The following SLC26A6 variants were observed in gnomAD, a reference collection of about 807,000 sequenced individuals.
SLC26A6 encodes the protein anion exchange transporter.
Under a neutral mutation model 87.1 loss-of-function variants are expected in SLC26A6, and 67 were observed. The observed-to-expected ratio is 0.77, with a 90% confidence interval of 0.63 to 0.94. The LOEUF is 0.94. Among genes scored for constraint, SLC26A6 ranks in the 40% least tolerant of loss-of-function variants. SLC26A6 has a pLI of 0.00. For missense variants in SLC26A6, 902 were observed against 973.0 expected, an observed-to-expected ratio of 0.93 and a Z score of 0.97; for synonymous variants, 414 against 405.9, an observed-to-expected ratio of 1.02 and a Z score of -0.24.
intron 1 of SLC26A6, 30 bp downstream of exon 1, chr3:48,635,340 CG>C: frequency 6.3e-7 from 1 of 1,580,432 alleles, no homozygotes; most frequent in Non-Finnish European, 8.6e-7. Flanking sequence ...GGCGCTCGCG[CG>C]GGGCCACCGG....
chr3:48,626,787 T>A, intron 18 of SLC26A6, 89 bp downstream of exon 18: 2 of 1,607,256 alleles, frequency 1.2e-6, no homozygotes, highest in Admixed American at 1.7e-5. Context: ...CTTTGAGGGT[T>A]TGGGGAGTCA....
At position 48,626,282 on chromosome 3, in the gene SLC26A6, G is replaced by C; in HGVS notation, c.2201C>G (p.Ser734Cys). 1 of 1,614,094 alleles carries C rather than the reference G, an allele frequency of 6.2e-7. No individual in the cohort carries two copies. Among genetic ancestry groups the C allele is most frequent in the South Asian group, 1.1e-5 (1 of 91,080 alleles). ...ASITKKHLFA[S>C]VHDAVTFALQ... ...GGCAAAGGTGACAGCATCATGGACAGAGGCAAAGAGATGCTTCTTGGTGAT... is the reference window on the plus strand; with the variant it reads ...GGCAAAGGTGACAGCATCATGGACACAGGCAAAGAGATGCTTCTTGGTGAT... The change falls in exon 20 of 21, where the codon TCT becomes TGT. Residue 734 changes from serine (S) to cysteine (C), a missense_variant. By Grantham distance (112) the Ser-to-Cys change is moderately radical. This residue lies in a region of SLC26A6 where 99 missense variants were observed against 100.1 expected (regional missense o/e 0.99). Transcript: ENST00000395550.
chr3:48,633,918 C>T, intron 1 of SLC26A6: 1 of 1,299,722 alleles, frequency 7.7e-7, no homozygotes, highest in Non-Finnish European at 9.9e-7. Context: ...ATGTGGCAGC[C>T]CAGTGCTGAG....
In SLC26A6 at chr3:48,632,399, G is replaced by C. The variant is rs1336340232; in HGVS notation, c.434-3C>G. ...CACAGACATGACAGCAAAGGTCCCT[G>C]TAAGGACGGCACGGGGCAGGTCTGA... On this transcript the variant is annotated splice_region_variant and splice_polypyrimidine_tract_variant and intron_variant, in intron 4 of 20. Transcript: ENST00000395550. The C allele has an allele frequency of 6.2e-7, 1 of 1,604,238 alleles. No homozygotes were observed. Among genetic ancestry groups the C allele is most frequent in the Non-Finnish European group, 8.5e-7 (1 of 1,174,678 alleles).
At chr3:48,631,844 G>A in intron 6 of SLC26A6, 36 bp downstream of exon 6, 2 of 1,613,112 alleles carry the variant, frequency 1.2e-6, no homozygotes, top group Non-Finnish European at 1.7e-6. Context: ...AGGCCATGGG[G>A]CACACCTACC....
Position 48,628,623 on chromosome 3 carries a change from C to G in SLC26A6, c.1691G>C (p.Arg564Thr). 1.2e-6 allele frequency: 2 copies of G among 1,613,896 alleles called. No individual in the cohort carries two copies. The highest frequency in any genetic ancestry group is 1.7e-6 in the Non-Finnish European group (2 of 1,179,984). ...AEFYSDALKQ[R>T]CGVDVDFLIS... is the part of the protein sequence containing the mutation. The stretch of plus-strand genomic sequence containing the variant: ...CCCATCCTGGGGACTCCGTCTCACC[C>G]TCTGCTTCAGCGCATCACTGTAGAA... The change falls in exon 15 of 21, where the codon AGG (arginine) becomes ACG (threonine). Residue 564 changes from arginine to threonine, a missense_variant and splice_region_variant. This residue lies in a region of SLC26A6 where 800 missense variants were observed against 856.8 expected (regional missense o/e 0.93). Transcript: ENST00000395550. The surrounding 1 kb of genome is among the most constrained non-coding windows in gnomAD (Gnocchi z 4.4).
rs1456893312 is a variant in SLC26A6 at position 48,629,965 on chromosome 3, A to G, written c.1436T>C (p.Val479Ala). Residue 479 changes from valine to alanine, a missense_variant, in exon 13 of 21, where the codon GTG becomes GCG. By Grantham distance (64) the Val-to-Ala change is moderately conservative. Transcript: ENST00000395550. Reference sequence around the variant, plus strand: ...CAGCAAGATGGTGGCCGTGAAGGTCACCAGCCAGATAAGCTGAGAACAGAG... The same window carrying G: ...CAGCAAGATGGTGGCCGTGAAGGTCGCCAGCCAGATAAGCTGAGAACAGAG... Reference protein sequence around the residue: ...ANRADLLIWLVTFTATILLNL... With the variant: ...ANRADLLIWLATFTATILLNL... 5.0e-6 allele frequency: 8 copies of G among 1,613,988 alleles called. No individual in the cohort carries two copies. The highest frequency in any genetic ancestry group is 8.5e-7 in the Non-Finnish European group (1 of 1,180,032).
At chr3:48,632,157 G>A (rs962851859) in intron 5 of SLC26A6, 88 bp downstream of exon 5, 31 of 1,576,966 alleles carry the variant, frequency 2.0e-5, no homozygotes, top group South Asian at 4.7e-5. Flanking sequence ...GGAGGACGAC[G>A]ATGGTCAGAC....
rs2046684690 is a variant in SLC26A6 at position 48,628,391 on chromosome 3, C to T, written c.1800+43G>A. 6.2e-7 allele frequency: 1 copy of T among 1,609,372 alleles called. No individual in the cohort carries two copies. Among genetic ancestry groups the T allele is most frequent in the African/African-American group, 1.4e-5 (1 of 73,776 alleles). ...CCAGGAGAAAGGCTGGGGCAGGGAA[C>T]AGGGGGCAGGAGATGGGGGTCACCA... On this transcript the variant is annotated intron_variant, in intron 16 of 20. Transcript: ENST00000395550. This position sits in a 1 kb window ranked among gnomAD's most constrained non-coding sequence, Gnocchi z 4.4.
chr3:48,631,381 G>A (rs1422147825), intron 7 of SLC26A6, 75 bp from the exon 8 acceptor site: 49 of 1,428,554 alleles, frequency 3.4e-5, no homozygotes, highest in Non-Finnish European at 4.1e-5. Flanking sequence ...ACTGTGAGGT[G>A]AGGAGGGAGA....
At position 48,630,836 on chromosome 3, in the gene SLC26A6, C is replaced by A. The variant is rs572196324; in HGVS notation, c.1135-116G>T. On this transcript the variant is annotated intron_variant, in intron 9 of 20. Coordinates refer to ENST00000395550, the MANE Select transcript of SLC26A6 (RefSeq NM_022911.3). The stretch of plus-strand genomic sequence containing the variant: ...ATCCCCACCAAGTGGCCCCCAGAGA[C>A]TGGATGCTGTCCCACACGTCCTGCT... The A allele has an allele frequency of 8.0e-6, 12 of 1,500,234 alleles. No homozygotes were observed. In the African/African-American group the frequency reaches 1.6e-4, roughly 21 times the overall value. 92.9% of individuals were successfully genotyped at this position (1,500,234 alleles called of 1,614,324 possible). A position where few individuals can be genotyped will look rare whatever the true frequency, so the allele number is the denominator to read the frequency against.
At position 48,631,009 on chromosome 3, in the gene SLC26A6, C is replaced by T. The variant is rs759177982; in HGVS notation, c.1118G>A (p.Arg373Gln). The T allele has an allele frequency of 4.3e-6, 7 of 1,613,646 alleles. No individual in the cohort carries two copies. Among genetic ancestry groups the T allele is most frequent in the East Asian group, 2.2e-5 (1 of 44,900 alleles). ...GKIFALRHGY[R>Q]VDSNQELVAL... The stretch of plus-strand genomic sequence containing the variant: ...CACCCAGACCTGGTTGCTGTCCACC[C>T]GGTAGCCGTGCCTCAGGGCGAAGAT... Residue 373 changes from arginine to glutamine, a missense_variant, in exon 9 of 21, where the codon CGG becomes CAG. By Grantham distance (43) the Arg-to-Gln change is conservative. Transcript: ENST00000395550.
intron 1 of SLC26A6, 156 bp from the exon 2 acceptor site, chr3:48,633,791 T>G: frequency 6.8e-7 from 1 of 1,461,174 alleles, no homozygotes; most frequent in Non-Finnish European, 9.0e-7. Context: ...GTGGGCCACA[T>G]GTCCAAACTC....
chr3:48,627,151 G>C (rs1447758038), intron 17 of SLC26A6, 96 bp from the exon 18 acceptor site: 8 of 1,428,576 alleles, frequency 5.6e-6, no homozygotes, highest in Non-Finnish European at 6.7e-6. Context: ...GTCAGATGGG[G>C]AGCATGCATG....
chr3:48,629,181 T>C (rs889746969), intron 14 of SLC26A6, among the ~76,000 whole-genome samples: 2 of 152,156 alleles, frequency 1.3e-5, no homozygotes, highest in African/African-American at 4.8e-5. Context: ...CACTGCCTAA[T>C]TGCACTGTGC....
At chr3:48,633,935 A>ACCAGT in intron 1 of SLC26A6, 1 of 1,205,714 alleles carries the variant, frequency 8.3e-7, no homozygotes, top group Non-Finnish European at 1.1e-6. Flanking sequence ...TGAGTGTTCT[A>ACCAGT]CCAGTCCAGG....
intron 17 of SLC26A6, chr3:48,627,466 C>T (rs900832497): frequency 2.0e-5 from 4 of 197,848 alleles, no homozygotes; most frequent in Non-Finnish European, 4.1e-5. Flanking sequence ...CTCTTTGACC[C>T]CTCAATTTTT....
intron 14 of SLC26A6, among the ~76,000 whole-genome samples, chr3:48,629,204 C>T: frequency 6.6e-6 from 1 of 151,724 alleles, no homozygotes; most frequent in East Asian, 1.9e-4. Context: ...ATGTTGCAGG[C>T]AACAGCCTTG....
rs374442175 is a variant in SLC26A6, at chr3:48,635,418, C to T, written c.-25G>A. Reference sequence around the variant, plus strand: ...TGGCTCGCAAGTTGTCCGGTGCGGGCTGCTCCTGCTGCTCGAGCTAGAGGC... The same window carrying T: ...TGGCTCGCAAGTTGTCCGGTGCGGGTTGCTCCTGCTGCTCGAGCTAGAGGC... On this transcript the variant is annotated 5_prime_UTR_variant, in exon 1 of 21. Coordinates refer to ENST00000395550, the MANE Select transcript of SLC26A6 (RefSeq NM_022911.3). 10 of 1,570,670 alleles carry T rather than the reference C, an allele frequency of 6.4e-6. No homozygotes were observed. The highest frequency in any genetic ancestry group is 8.6e-6 in the Non-Finnish European group (10 of 1,159,726).
Sources: allele counts gnomAD v4.1 joint callset (sites outside exome capture counted in the v4.1 genomes callset), GRCh38; gene constraint gnomAD v4.1.1; regional missense constraint gnomAD v4.1.1; non-coding constraint Gnocchi (gnomAD v3.1); transcripts MANE v1.5; gene names NCBI Gene and HGNC (gene_info 2026-07-23, HGNC 2026-07-21).